DHX57: variants seen among roughly 807,000 people sequenced by gnomAD.
DHX57 encodes the protein putative ATP-dependent RNA helicase DHX57.
A neutral mutation model predicts 156.2 loss-of-function variants in DHX57; 105 were observed. That is an observed-to-expected ratio of 0.67 (90% CI 0.57 to 0.79). The LOEUF (loss-of-function observed/expected upper bound fraction) is 0.79, where lower values mean the gene tolerates loss of function less well. DHX57 is among the 30% of genes least tolerant of loss of function. The pLI is 0.00. For missense variants in DHX57, 1,847 were observed against 1,661.9 expected, an observed-to-expected ratio of 1.11 and a Z score of -1.94; for synonymous variants, 704 against 595.6, an observed-to-expected ratio of 1.18 and a Z score of -2.65.
rs1673341483 is a variant in DHX57, at chr2:38,863,429, A to G, written c.315T>C (p.Ser105=). The change falls in exon 3 of 24, where the codon TCT becomes TCC. Residue 105 remains serine (S), a synonymous_variant. Transcript: ENST00000457308. ...KVPLQTLHMT[S]ENQEKVKALL... is the part of the protein sequence containing the mutation. Reference sequence around the variant, plus strand: ...GAGCTTTCACTTTCTCTTGATTCTCAGAAGTCATATGTAGAGTCTGAAGGG... The same window carrying G: ...GAGCTTTCACTTTCTCTTGATTCTCGGAAGTCATATGTAGAGTCTGAAGGG... The G allele has an allele frequency of 6.2e-7, 1 of 1,614,068 alleles. No individual in the cohort carries two copies. The highest frequency in any genetic ancestry group is 8.5e-7 in the Non-Finnish European group (1 of 1,179,970).
In DHX57 at chr2:38,825,854, A is replaced by C; in HGVS notation, c.3007T>G (p.Cys1003Gly). The C allele has an allele frequency of 6.2e-7, 1 of 1,614,200 alleles. No homozygotes were observed. The highest frequency in any genetic ancestry group is 8.5e-7 in the Non-Finnish European group (1 of 1,180,016). Reference protein sequence around the residue: ...EIQRVPLEQLCLRIKILEMFS... With the variant: ...EIQRVPLEQLGLRIKILEMFS... ...CAAAAAACCAGATGTCACCTTAGAC[A>C]CAGCTGTTCCAATGGCACTCTTTGT... is the stretch of plus-strand genomic sequence containing the variant. The change falls in exon 16 of 24, where the codon TGT becomes GGT. Residue 1003 changes from cysteine to glycine, a missense_variant. Coordinates refer to ENST00000457308, the MANE Select transcript of DHX57 (RefSeq NM_198963.3).
Position 38,861,319 on chromosome 2 carries a change from T to C in DHX57, c.1091A>G (p.Lys364Arg). Residue 364 changes from lysine (K) to arginine (R), a missense_variant, in exon 5 of 24, where the codon AAA becomes AGA. By Grantham distance (26) the Lys-to-Arg change is conservative. Transcript: ENST00000457308. ...ELEIRFSKDH[K>R]YPYQAPLVAF... ...CACGAGCGGAGCTTGGTAGGGATAT[T>C]TGTGGTCTTTAGAAAATCGAATTTC... is the stretch of plus-strand genomic sequence containing the variant. 6.2e-7 allele frequency: 1 copy of C among 1,613,946 alleles called. No individual in the cohort carries two copies. The highest frequency in any genetic ancestry group is 1.6e-4 in the Middle Eastern group (1 of 6,062).
chr2:38,838,742 C>T, intron 12 of DHX57: 1 of 453,914 alleles, frequency 2.2e-6, no homozygotes, highest in Non-Finnish European at 4.4e-6. Context: ...CCTTTAGGTT[C>T]CTTTGAGAAA....
At chr2:38,810,347 C>G (rs6753616) in intron 21 of DHX57, 43,841 of 438,648 alleles carry the variant, frequency 0.1, 2,686 homozygotes, top group African/African-American at 0.18. Context: ...GAGAACAAGT[C>G]ACAATTACAA....
intron 9 of DHX57, among the ~76,000 whole-genome samples, chr2:38,849,878 T>C (rs1221941714): frequency 6.6e-6 from 1 of 152,204 alleles, no homozygotes; most frequent in Non-Finnish European, 1.5e-5. Flanking sequence ...GGCTACCTTA[T>C]TTAAAATTTC....
intron 19 of DHX57, among the ~76,000 whole-genome samples, chr2:38,818,542 A>G (rs1331545115): frequency 4.6e-5 from 7 of 150,784 alleles, no homozygotes; most frequent in African/African-American, 2.5e-5. Flanking sequence ...AAACAAGCAA[A>G]CAAACAAACA....
rs1670485820 is a variant in DHX57, at chr2:38,815,405, C to A, written c.3606+116G>T. The A allele has an allele frequency of 3.8e-6, 5 of 1,324,488 alleles. No homozygotes were observed. In the Admixed American group the frequency reaches 1.0e-4, roughly 27 times the overall value. 82.0% of individuals were successfully genotyped at this position (1,324,488 alleles called of 1,614,324 possible). On this transcript the variant is annotated intron_variant, in intron 20 of 23. Transcript: ENST00000457308. The stretch of plus-strand genomic sequence containing the variant: ...GTGCGAAGCAGAAAATCAAGAATGC[C>A]ATTAACCCACTGCTCAAAGGCTTAA...
intron 22 of DHX57, among the ~76,000 whole-genome samples, chr2:38,803,181 T>C (rs528054826): frequency 1.8e-4 from 28 of 152,292 alleles, no homozygotes; most frequent in African/African-American, 6.5e-4. Context: ...TCTCACCATG[T>C]TGCCCAGGCT....
intron 4 of DHX57, 28 bp from the exon 5 acceptor site, chr2:38,861,865 G>T (rs758908422): frequency 1.3e-6 from 2 of 1,547,628 alleles, no homozygotes; most frequent in South Asian, 1.2e-5. Context: ...TGACAAAAAT[G>T]ACACATAAAA....
intron 21 of DHX57, chr2:38,811,667 T>A: frequency 8.7e-7 from 1 of 1,156,048 alleles, no homozygotes; most frequent in Non-Finnish European, 1.3e-6. Flanking sequence ...CATCTGGGAT[T>A]GGAGGTGCAA....
intron 22 of DHX57, among the ~76,000 whole-genome samples, chr2:38,805,512 A>G (rs1669895794): frequency 6.6e-6 from 1 of 152,204 alleles, no homozygotes; most frequent in South Asian, 2.1e-4. Context: ...AGATTATTAT[A>G]GAATTTCAGG....
At chr2:38,814,779 A>G (rs1166368049) in intron 20 of DHX57, among the ~76,000 whole-genome samples, 1 of 151,658 alleles carries the variant, frequency 6.6e-6, no homozygotes, top group African/African-American at 2.4e-5. Context: ...CTGGAGTGCA[A>G]TGGCGCGATC....
intron 17 of DHX57, among the ~76,000 whole-genome samples, chr2:38,822,776 C>T (rs143133321): frequency 7.2e-4 from 109 of 152,112 alleles, no homozygotes; most frequent in African/African-American, 2.3e-3. Context: ...GATGACATTG[C>T]TCCCTAAAAA....
chr2:38,872,589 T>C (rs1468865772), intron 1 of DHX57, among the ~76,000 whole-genome samples: 1 of 152,226 alleles, frequency 6.6e-6, no homozygotes, highest in Non-Finnish European at 1.5e-5. Flanking sequence ...GCTATGTTAA[T>C]AGCTTACAAA....
At chr2:38,848,446 C>G (rs755979105) in intron 9 of DHX57, 44 bp from the exon 10 acceptor site, 1 of 1,537,950 alleles carries the variant, frequency 6.5e-7, no homozygotes, top group South Asian at 1.3e-5. Flanking sequence ...ACAAATTCAA[C>G]ACATGAAAAT....
chr2:38,854,557 T>TG (rs1672780143), intron 8 of DHX57: 1 of 115,020 alleles, frequency 8.7e-6, no homozygotes, highest in African/African-American at 3.2e-5. Flanking sequence ...CAAATAAGAG[T>TG]TTTTTTTTTT....
chr2:38,868,055 G>C (rs1392930099), intron 2 of DHX57, 127 bp downstream of exon 2: 1 of 1,196,876 alleles, frequency 8.4e-7, no homozygotes, highest in African/African-American at 1.5e-5. Context: ...TTCAGAAAAG[G>C]GTTACAAAGA....
chr2:38,861,148 A>G lies in DHX57; in HGVS notation c.1262T>C (p.Ile421Thr). 2 of 1,614,160 alleles carry G rather than the reference A, an allele frequency of 1.2e-6. No individual in the cohort carries two copies. The highest frequency in any genetic ancestry group is 1.7e-6 in the Non-Finnish European group (2 of 1,180,020). ...LITLLEEESEIVKLLTNTHHK... is the reference protein window; with the variant it reads ...LITLLEEESETVKLLTNTHHK... ...GTGGGTATTCGTTAGTAACTTGACT[A>G]TTTCCGACTCTTCCTCTAAAAGGGT... Residue 421 changes from isoleucine to threonine, a missense_variant, in exon 5 of 24, where the codon ATA becomes ACA. Transcript: ENST00000457308.
At chr2:38,859,011 C>T (rs1006588942) in intron 5 of DHX57, among the ~76,000 whole-genome samples, 175 bp from the exon 6 acceptor site, 5 of 152,078 alleles carry the variant, frequency 3.3e-5, no homozygotes, top group African/African-American at 1.2e-4. Context: ...ACTTAAAATG[C>T]ATCCTCAAAT....
Sources: allele counts gnomAD v4.1 joint callset (sites outside exome capture counted in the v4.1 genomes callset), GRCh38; gene constraint gnomAD v4.1.1; transcripts MANE v1.5; gene names NCBI Gene and HGNC (gene_info 2026-07-23, HGNC 2026-07-21).